Variants in BABAM2 observed in about 807,000 individuals in gnomAD.
BABAM2 encodes the protein BRISC and BRCA1-A complex member 2.
In BABAM2, 31 loss-of-function variants were observed where a neutral mutation model predicts 54.7. The ratio of observed to expected loss-of-function variants is 0.57; its 90% CI spans 0.43 to 0.77. The LOEUF is 0.77. Ranked by LOEUF, BABAM2 falls within the 30% of genes least tolerant of loss-of-function variation. BABAM2 has a pLI of 0.00. For synonymous variants in BABAM2, 167 were observed against 162.9 expected (o/e 1.03, Z -0.19); for missense variants, 364 against 455.8 (o/e 0.80, Z 1.83).
At chr2:28,283,015 A>AAAG (rs1553357870) in intron 10 of BABAM2, among the ~76,000 whole-genome samples, 3 of 76,230 alleles carry the variant, frequency 3.9e-5, no homozygotes, top group Non-Finnish European at 3.4e-5. Context: ...AAAAAAAAAA[A>AAAG]AAAGGAATGA....
intron 6 of BABAM2, among the ~76,000 whole-genome samples, chr2:28,053,437 T>C (rs1039053907): frequency 6.6e-6 from 1 of 152,130 alleles, no homozygotes; most frequent in Admixed American, 6.5e-5. Context: ...CAAATAGGAG[T>C]GGGCATACTT....
At chr2:28,201,326 T>G (rs927486875) in intron 7 of BABAM2, among the ~76,000 whole-genome samples, 4 of 152,198 alleles carry the variant, frequency 2.6e-5, no homozygotes, top group African/African-American at 9.6e-5. Context: ...AATGATTGTT[T>G]TTATACAAAA....
At chr2:28,000,168 T>C (rs1454975562) in intron 4 of BABAM2, among the ~76,000 whole-genome samples, 1 of 152,186 alleles carries the variant, frequency 6.6e-6, no homozygotes, top group Non-Finnish European at 1.5e-5. Flanking sequence ...CGTACTTTAT[T>C]CCGATTTTAA....
At chr2:28,293,620 G>C in intron 10 of BABAM2, among the ~76,000 whole-genome samples, 1 of 152,190 alleles carries the variant, frequency 6.6e-6, no homozygotes, top group Admixed American at 6.5e-5. Context: ...TTCCCCCAGG[G>C]CTTCAGAGCC....
chr2:28,324,836 C>T lies in BABAM2; in HGVS notation c.1089-13614C>T, dbSNP rs541091381. The stretch of plus-strand genomic sequence containing the variant: ...AGAAAAGAAAAGAAAACTTACTTTC[C>T]ATCTCTGATCGTAGATTTATTTTTG... On this transcript the variant is annotated intron_variant, in intron 11 of 11. Transcript: ENST00000379624. Among the ~76,000 whole-genome samples the T allele has an allele frequency of 2.6e-4, 40 of 152,190 alleles. 2 individuals carry two copies. In the South Asian group the frequency reaches 8.3e-3, roughly 32 times the overall value.
intron 4 of BABAM2, among the ~76,000 whole-genome samples, chr2:27,990,469 G>A (rs1477585670): frequency 6.6e-6 from 1 of 152,106 alleles, no homozygotes; most frequent in Non-Finnish European, 1.5e-5. Context: ...GTCTACATAT[G>A]GTTCTGAATG....
At chr2:28,170,626 A>G (rs1674218165) in intron 7 of BABAM2, among the ~76,000 whole-genome samples, 1 of 152,124 alleles carries the variant, frequency 6.6e-6, no homozygotes, top group Non-Finnish European at 1.5e-5. Flanking sequence ...TGTTTGATTG[A>G]TAGTATCACA....
At chr2:28,335,723 G>A (rs1446001911) in intron 11 of BABAM2, among the ~76,000 whole-genome samples, 1 of 152,206 alleles carries the variant, frequency 6.6e-6, no homozygotes, top group Admixed American at 6.5e-5. Flanking sequence ...GGGACCAGGG[G>A]AGACTTGATG....
intron 7 of BABAM2, among the ~76,000 whole-genome samples, chr2:28,226,707 C>G (rs973702120): frequency 6.6e-6 from 1 of 152,142 alleles, no homozygotes; most frequent in Non-Finnish European, 1.5e-5. Flanking sequence ...TGAAGAAGCC[C>G]GCCCCGCAAA....
chr2:27,992,112 T>G (rs1558642333), intron 4 of BABAM2, among the ~76,000 whole-genome samples: 1 of 152,190 alleles, frequency 6.6e-6, no homozygotes, highest in Non-Finnish European at 1.5e-5. Context: ...TAGTTTTGAT[T>G]TGTGCTTTTT....
intron 2 of BABAM2, among the ~76,000 whole-genome samples, chr2:27,926,498 AT>A (rs1229698675): frequency 6.6e-6 from 1 of 151,962 alleles, no homozygotes; most frequent in Non-Finnish European, 1.5e-5. Flanking sequence ...CAGTTTTCGG[AT>A]TTCACCTCCT....
intron 2 of BABAM2, among the ~76,000 whole-genome samples, chr2:27,908,605 C>T (rs1666357836): frequency 6.6e-6 from 1 of 152,124 alleles, no homozygotes; most frequent in Admixed American, 6.6e-5. Context: ...TGGCTCCCTC[C>T]TTTCCTCCCC....
intron 3 of BABAM2, among the ~76,000 whole-genome samples, chr2:27,937,800 G>A (rs531250462): frequency 1.3e-5 from 2 of 152,122 alleles, no homozygotes; most frequent in Non-Finnish European, 2.9e-5. Context: ...ATGTGCAGAA[G>A]CTTCTTAGTT....
intron 7 of BABAM2, among the ~76,000 whole-genome samples, chr2:28,131,079 A>T (rs13017307): frequency 0.84 from 5,022 of 5,978 alleles, 2,403 homozygotes; most frequent in Non-Finnish European, 0.94. Flanking sequence ...TATTATTATT[A>T]TTTTTTTTTT....
chr2:28,233,675 T>TA (rs1204209428), intron 7 of BABAM2, among the ~76,000 whole-genome samples: 1 of 152,158 alleles, frequency 6.6e-6, no homozygotes, highest in African/African-American at 2.4e-5. Context: ...TGACGTCCTT[T>TA]AAAAAATAAA....
chr2:28,129,059 G>A (rs929910466), intron 6 of BABAM2, among the ~76,000 whole-genome samples: 5 of 152,136 alleles, frequency 3.3e-5, no homozygotes, highest in Admixed American at 2.0e-4. Context: ...GAGGTCTTTC[G>A]CTTTGCTGTG....
chr2:28,139,794 G>C (rs1296264765), intron 7 of BABAM2, among the ~76,000 whole-genome samples: 1 of 152,096 alleles, frequency 6.6e-6, no homozygotes, highest in East Asian at 1.9e-4. Context: ...TTTCCTGTTT[G>C]TCTTCACTTC....
intron 7 of BABAM2, among the ~76,000 whole-genome samples, chr2:28,164,092 T>G (rs907831424): frequency 2.6e-5 from 4 of 152,226 alleles, no homozygotes; most frequent in African/African-American, 9.6e-5. Flanking sequence ...CTTAACATCT[T>G]GATACCAAGG....
intron 6 of BABAM2, among the ~76,000 whole-genome samples, chr2:28,064,739 C>T (rs1001313798): frequency 6.6e-5 from 10 of 152,278 alleles, no homozygotes; most frequent in African/African-American, 9.6e-5. Flanking sequence ...CGGTGGCTCA[C>T]GCCTGTAATC....
Sources: allele counts gnomAD v4.1 joint callset (sites outside exome capture counted in the v4.1 genomes callset), GRCh38; gene constraint gnomAD v4.1.1; transcripts MANE v1.5; gene names NCBI Gene and HGNC (gene_info 2026-07-23, HGNC 2026-07-21).